Variants in KIF26B observed in about 807,000 individuals in gnomAD.
The protein encoded by KIF26B is kinesin-like protein KIF26B.
Under a neutral mutation model 151.2 loss-of-function variants are expected in KIF26B, and 63 were observed. The ratio of observed to expected loss-of-function variants is 0.42; its 90% CI spans 0.34 to 0.51. The LOEUF (loss-of-function observed/expected upper bound fraction) is 0.51. Ranked by LOEUF, KIF26B falls within the 20% of genes least tolerant of loss-of-function variation. The pLI is 0.07. For synonymous variants in KIF26B, 1,357 were observed against 1,262.1 expected, an observed-to-expected ratio of 1.08 and a Z score of -1.59; for missense variants, 2,813 against 2,913.6, an observed-to-expected ratio of 0.97 and a Z score of 0.79.
intron 2 of KIF26B, among the ~76,000 whole-genome samples, chr1:245,307,652 T>C (rs1671581480): frequency 6.6e-6 from 1 of 152,232 alleles, no homozygotes; most frequent in African/African-American, 2.4e-5. Context: ...TCGAAGATAG[T>C]TGAATCATTC....
At chr1:245,258,184 C>T (rs925371544) in intron 2 of KIF26B, among the ~76,000 whole-genome samples, 1 of 152,178 alleles carries the variant, frequency 6.6e-6, no homozygotes. Flanking sequence ...TCCTCCTCCT[C>T]GTCACCACCT....
At chr1:245,472,237 C>G (rs1211088759) in intron 4 of KIF26B, among the ~76,000 whole-genome samples, 1 of 152,334 alleles carries the variant, frequency 6.6e-6, no homozygotes, top group Non-Finnish European at 1.5e-5. Context: ...CGTACAGAAA[C>G]ACACAGCGCC....
chr1:245,445,884 T>A (rs1208432235), intron 4 of KIF26B, among the ~76,000 whole-genome samples: 1 of 152,214 alleles, frequency 6.6e-6, no homozygotes, highest in Non-Finnish European at 1.5e-5. Context: ...TTCCCTCCCT[T>A]ATTTCTTGCA....
At position 245,447,737 on chromosome 1, in the gene KIF26B, C is replaced by T. The variant is rs192364806; in HGVS notation, c.1166+27992C>T. Among the ~76,000 whole-genome samples the T allele has an allele frequency of 1.1e-3, 167 of 152,266 alleles. 1 individual carries two copies. The highest frequency in any genetic ancestry group is 3.7e-3 in the African/African-American group (153 of 41,536). On this transcript the variant is annotated intron_variant, in intron 4 of 14. Coordinates refer to ENST00000407071, the MANE Select transcript of KIF26B (RefSeq NM_018012.4). ...ACACTCAGGAGTTACCGCCCCTTTC[C>T]GTGGCAGTGACCCCACGACCCAGAA... is the stretch of plus-strand genomic sequence containing the variant.
chr1:245,592,642 A>T (rs2043300645), intron 5 of KIF26B, among the ~76,000 whole-genome samples: 1 of 145,846 alleles, frequency 6.9e-6, no homozygotes, highest in Admixed American at 6.8e-5. Flanking sequence ...AGGGCACCCC[A>T]GCCCCCTCAT....
chr1:245,691,868 A>G (rs2044630129), intron 12 of KIF26B, among the ~76,000 whole-genome samples: 2 of 152,164 alleles, frequency 1.3e-5, no homozygotes, highest in Admixed American at 6.5e-5. Flanking sequence ...CATGTTGCTG[A>G]GGAGTGTGCA....
At chr1:245,274,579 A>G (rs990872436) in intron 2 of KIF26B, among the ~76,000 whole-genome samples, 2 of 152,152 alleles carry the variant, frequency 1.3e-5, no homozygotes, top group Admixed American at 6.5e-5. Flanking sequence ...TTATGGCTGC[A>G]TAGTATTCCA....
intron 4 of KIF26B, among the ~76,000 whole-genome samples, chr1:245,535,534 C>T (rs775646827): frequency 7.9e-5 from 12 of 152,298 alleles, no homozygotes; most frequent in Middle Eastern, 3.4e-3. Flanking sequence ...CCCCACTGCA[C>T]GCATCCCTCT....
rs373163979 is a variant in KIF26B, at chr1:245,373,877, G to A, written c.999+6510G>A. ...GAGTTAGAGACCAGCCTAGGCAACA[G>A]AGTAAAACCCCTTCTCTACACAGAA... On this transcript the variant is annotated intron_variant, in intron 3 of 14. Transcript: ENST00000407071. Among the ~76,000 whole-genome samples, 6 of 150,542 alleles carry A rather than the reference G, an allele frequency of 4.0e-5. No homozygotes were observed. In the East Asian group the frequency reaches 7.9e-4, roughly 20 times the overall value.
At chr1:245,243,204 C>T (rs1037789535) in intron 2 of KIF26B, among the ~76,000 whole-genome samples, 2 of 152,126 alleles carry the variant, frequency 1.3e-5, no homozygotes, top group African/African-American at 4.8e-5. Flanking sequence ...TCTCCCTTGC[C>T]AATACTTGTC....
intron 3 of KIF26B, among the ~76,000 whole-genome samples, chr1:245,414,155 C>T (rs1251386783): frequency 1.3e-5 from 2 of 152,320 alleles, no homozygotes; most frequent in Middle Eastern, 3.4e-3. Context: ...GTGGAGTTAG[C>T]GTAGCCAAGG....
intron 2 of KIF26B, among the ~76,000 whole-genome samples, chr1:245,316,981 T>A (rs191436781): frequency 2.0e-5 from 3 of 151,696 alleles, no homozygotes; most frequent in East Asian, 3.9e-4. Context: ...TAGTCAGGAG[T>A]GCATATTGGA....
intron 2 of KIF26B, among the ~76,000 whole-genome samples, chr1:245,291,784 T>C (rs1671256948): frequency 6.6e-6 from 1 of 152,162 alleles, no homozygotes; most frequent in Admixed American, 6.5e-5. Context: ...AGGGGTGTTC[T>C]CGCCATGGAG....
intron 9 of KIF26B, among the ~76,000 whole-genome samples, chr1:245,626,849 G>T (rs1188516504): frequency 6.6e-6 from 1 of 152,176 alleles, no homozygotes; most frequent in Non-Finnish European, 1.5e-5. Flanking sequence ...TCATCTGGTA[G>T]AGTTATTGTT....
At chr1:245,691,149 G>T (rs1337176208) in intron 12 of KIF26B, among the ~76,000 whole-genome samples, 1 of 152,190 alleles carries the variant, frequency 6.6e-6, no homozygotes, top group Non-Finnish European at 1.5e-5. Flanking sequence ...GCTTTCACAG[G>T]TTTTTGTTTT....
intron 4 of KIF26B, among the ~76,000 whole-genome samples, chr1:245,466,915 A>G (rs1296198564): frequency 1.3e-5 from 2 of 152,220 alleles, no homozygotes; most frequent in African/African-American, 4.8e-5. Context: ...AACAGACTCC[A>G]TCTCAAAAAG....
chr1:245,688,036 G>A lies in KIF26B; in HGVS notation c.5053G>A (p.Ala1685Thr), dbSNP rs961385186. Reference protein sequence around the residue: ...SHYECLSLERAESLSSVSSRL... With the variant: ...SHYECLSLERTESLSSVSSRL... Reference sequence around the variant, plus strand: ...CTACGAATGCCTCTCCCTGGAGCGGGCCGAGAGCCTGTCCTCCGTGAGCTC... The same window carrying A: ...CTACGAATGCCTCTCCCTGGAGCGGACCGAGAGCCTGTCCTCCGTGAGCTC... The change falls in exon 12 of 15, where the codon GCC (alanine) becomes ACC (threonine). Residue 1685 changes from alanine to threonine, a missense_variant. Ala to Thr is a moderately conservative substitution (Grantham distance 58, BLOSUM62 0). Coordinates refer to ENST00000407071, the MANE Select transcript of KIF26B (RefSeq NM_018012.4). 1.3e-6 allele frequency: 2 copies of A among 1,556,474 alleles called. No individual in the cohort carries two copies. The highest frequency in any genetic ancestry group is 1.7e-6 in the Non-Finnish European group (2 of 1,150,858).
At position 245,346,179 on chromosome 1, in the gene KIF26B, G is replaced by A. The variant is rs1387843587; in HGVS notation, c.466-20655G>A. On this transcript the variant is annotated intron_variant, in intron 2 of 14. Coordinates refer to ENST00000407071, the MANE Select transcript of KIF26B (RefSeq NM_018012.4). ...AGGCTGGTCTTGAACTCCTGACCTCGTGATCCACCTGCCTCGGCCTCCCAA... is the reference window on the plus strand; with the variant it reads ...AGGCTGGTCTTGAACTCCTGACCTCATGATCCACCTGCCTCGGCCTCCCAA... Among the ~76,000 whole-genome samples the A allele has an allele frequency of 3.9e-5, 6 of 151,912 alleles. No individual in the cohort carries two copies. The South Asian group carries it at 8.3e-4, about 21-fold the overall frequency.
At chr1:245,556,639 T>A (rs896664057) in intron 5 of KIF26B, among the ~76,000 whole-genome samples, 10 of 152,152 alleles carry the variant, frequency 6.6e-5, no homozygotes, top group African/African-American at 2.4e-4. Flanking sequence ...TGAGTTCGGA[T>A]GATTTGCCGG....
Sources: gnomAD v4.1 joint callset for allele counts (sites outside exome capture counted in the v4.1 genomes callset) on GRCh38, gnomAD v4.1.1 for gene constraint, MANE v1.5 for transcripts, NCBI Gene and HGNC (gene_info 2026-07-23, HGNC 2026-07-21) for gene names.